Variants in RBFOX1 observed in about 807,000 individuals in gnomAD.
RBFOX1 encodes RNA binding fox-1 homolog 1.
Under a neutral mutation model 57.7 loss-of-function variants are expected in RBFOX1, and 8 were observed. The observed-to-expected ratio is 0.14, with a 90% CI of 0.08 to 0.25. The LOEUF (loss-of-function observed/expected upper bound fraction) is 0.25, where lower values mean the gene tolerates loss of function less well. Among genes scored for constraint, RBFOX1 ranks in the 10% least tolerant of loss-of-function variants. RBFOX1 has a pLI of 1.00. For synonymous variants in RBFOX1, 326 were observed against 222.4 expected, an observed-to-expected ratio of 1.47 and a Z score of -4.15; for missense variants, 611 against 548.5, an observed-to-expected ratio of 1.11 and a Z score of -1.14.
At chr16:7,699,875 T>C (rs185806121) in intron 14 of RBFOX1, among the ~76,000 whole-genome samples, 2 of 152,258 alleles carry the variant, frequency 1.3e-5, no homozygotes, top group Admixed American at 1.3e-4. Flanking sequence ...AAAGAGTTTG[T>C]GTGTCCCCAA....
At chr16:6,771,450 T>A (rs144074351) in intron 3 of RBFOX1, among the ~76,000 whole-genome samples, 1,634 of 152,260 alleles carry the variant, frequency 0.011, 36 homozygotes, top group African/African-American at 0.038. Context: ...TGGTGTCTTC[T>A]TAGATATGAT....
chr16:6,165,156 G>C (rs2096907967), intron 1 of RBFOX1, among the ~76,000 whole-genome samples: 1 of 151,812 alleles, frequency 6.6e-6, no homozygotes, highest in South Asian at 2.1e-4. Context: ...TTTTTAAGTG[G>C]GAGTAATAGT....
At chr16:7,551,172 C>T (rs1160249893) in intron 5 of RBFOX1, among the ~76,000 whole-genome samples, 2 of 151,770 alleles carry the variant, frequency 1.3e-5, no homozygotes, top group Admixed American at 1.3e-4. Flanking sequence ...CTGGTGTGCA[C>T]CGCTGCCTTA....
intron 2 of RBFOX1, among the ~76,000 whole-genome samples, chr16:6,529,855 A>G (rs780597441): frequency 2.0e-5 from 3 of 152,156 alleles, no homozygotes; most frequent in Non-Finnish European, 2.9e-5. Flanking sequence ...TTTATTGAAC[A>G]GAGTCAGCTC....
intron 3 of RBFOX1, among the ~76,000 whole-genome samples, chr16:5,772,135 A>G (rs973619146): frequency 6.6e-6 from 1 of 152,148 alleles, no homozygotes; most frequent in African/African-American, 2.4e-5. Flanking sequence ...TCACACCAGC[A>G]CACTCCAGCC....
chr16:7,238,788 C>T (rs558016831), intron 4 of RBFOX1, among the ~76,000 whole-genome samples: 1 of 152,204 alleles, frequency 6.6e-6, no homozygotes, highest in Non-Finnish European at 1.5e-5. Flanking sequence ...TCCTGTCCCT[C>T]CCCTGACCTC....
intron 2 of RBFOX1, among the ~76,000 whole-genome samples, chr16:6,517,880 G>C (rs1430284746): frequency 6.6e-6 from 1 of 152,154 alleles, no homozygotes; most frequent in Non-Finnish European, 1.5e-5. Flanking sequence ...GTCTTATAAA[G>C]TCTGGGGCCT....
intron 1 of RBFOX1, among the ~76,000 whole-genome samples, chr16:6,166,800 G>A (rs977554039): frequency 6.6e-6 from 1 of 151,972 alleles, no homozygotes. Flanking sequence ...TTGAGATGGA[G>A]TCTCACTCTG....
rs537074595 is a variant in RBFOX1 at position 6,894,858 on chromosome 16, G to T, written c.-15-157199G>T. ...TAAGACATGTTGGGTTTAATTCTCT[G>T]CCACAGTTCTCAAATGGATGTTTCA... On this transcript the variant is annotated intron_variant, in intron 3 of 15. Transcript: ENST00000550418. 1.2e-4 allele frequency among the ~76,000 whole-genome samples: 19 copies of T among 152,224 alleles called. No individual in the cohort carries two copies. In the South Asian group the frequency reaches 3.7e-3, roughly 30 times the overall value.
rs181791794 is a variant in RBFOX1 at position 5,456,938 on chromosome 16, A to G, written c.220-10278A>G. On this transcript the variant is annotated intron_variant, in intron 1 of 2. Coordinates refer to the RBFOX1 transcript ENST00000585867. ...CATTCCACCTCTAGGCCTTTATCTTAGTCCGTTTGGGCTGCTATAACAAAT... is the reference window on the plus strand; with the variant it reads ...CATTCCACCTCTAGGCCTTTATCTTGGTCCGTTTGGGCTGCTATAACAAAT... Among the ~76,000 whole-genome samples the G allele has an allele frequency of 8.8e-4, 134 of 152,254 alleles. 1 individual carries two copies. The highest frequency in any genetic ancestry group is 6.8e-3 in the Middle Eastern group (2 of 294).
At position 6,725,449 on chromosome 16, in the gene RBFOX1, C is replaced by A. The variant is rs547931510; in HGVS notation, c.-16+70799C>A. ...GTCACATCCTGTGACTCACAATCCC[C>A]AACCTACCGTGAATGCAGCCCAGTG... On this transcript the variant is annotated intron_variant, in intron 3 of 15. Coordinates refer to ENST00000550418, the MANE Select transcript of RBFOX1 (RefSeq NM_018723.4). Among the ~76,000 whole-genome samples the A allele has an allele frequency of 3.3e-5, 5 of 152,240 alleles. No homozygotes were observed. The South Asian group carries it at 1.0e-3, about 32-fold the overall frequency.
chr16:7,107,654 A>G (rs2151497598), intron 4 of RBFOX1, among the ~76,000 whole-genome samples: 1 of 152,082 alleles, frequency 6.6e-6, no homozygotes, highest in African/African-American at 2.4e-5. Flanking sequence ...CCTCCCCAAA[A>G]CAACCACCAA....
intron 4 of RBFOX1, among the ~76,000 whole-genome samples, chr16:7,283,306 C>T (rs974571044): frequency 7.2e-5 from 11 of 151,988 alleles, no homozygotes; most frequent in Admixed American, 7.2e-4. Context: ...CCTGGTCCCC[C>T]AATCTGCCTC....
chr16:6,796,609 T>G (rs567611650), intron 3 of RBFOX1, among the ~76,000 whole-genome samples: 2 of 152,310 alleles, frequency 1.3e-5, no homozygotes, highest in South Asian at 4.1e-4. Context: ...CCTAAACACT[T>G]TTCAAAGGAA....
intron 4 of RBFOX1, among the ~76,000 whole-genome samples, chr16:5,935,949 C>T (rs1035562938): frequency 3.3e-5 from 5 of 152,126 alleles, no homozygotes; most frequent in African/African-American, 9.7e-5. Context: ...CCCTGGAGGC[C>T]CTCAGGGCCT....
chr16:6,331,545 C>CTA (rs910680711), intron 2 of RBFOX1, among the ~76,000 whole-genome samples: 1,497 of 147,958 alleles, frequency 0.01, 23 homozygotes, highest in African/African-American at 0.035. Context: ...CTCTCTCTCT[C>CTA]TATATATATA....
At chr16:7,144,917 G>A (rs2074621612) in intron 4 of RBFOX1, among the ~76,000 whole-genome samples, 1 of 152,116 alleles carries the variant, frequency 6.6e-6, no homozygotes, top group Non-Finnish European at 1.5e-5. Context: ...TCTGATGTGA[G>A]GCACCTTTGC....
intron 3 of RBFOX1, among the ~76,000 whole-genome samples, chr16:6,679,878 GTTTTTTTTTTTTTT>G (rs71145274): frequency 8.7e-6 from 1 of 114,306 alleles, no homozygotes; most frequent in Admixed American, 9.2e-5. Context: ...GTTTCTACTT[GTTTTTTTTTTTTTT>G]TTTTTTTTTT....
At chr16:7,266,574 C>G (rs759276617) in intron 4 of RBFOX1, among the ~76,000 whole-genome samples, 1 of 152,134 alleles carries the variant, frequency 6.6e-6, no homozygotes, top group Non-Finnish European at 1.5e-5. Context: ...ATCACCTCAC[C>G]AAAGCTCTAT....
Sources: gnomAD v4.1 joint callset for allele counts (sites outside exome capture counted in the v4.1 genomes callset) on GRCh38, gnomAD v4.1.1 for gene constraint, MANE v1.5 for transcripts, NCBI Gene and HGNC (gene_info 2026-07-23, HGNC 2026-07-21) for gene names.